ADCY2: variants seen among roughly 807,000 people sequenced by gnomAD.
ADCY2 encodes adenylate cyclase 2.
Under a neutral mutation model 125.2 loss-of-function variants are expected in ADCY2, and 31 were observed. The ratio of observed to expected loss-of-function variants is 0.25; its 90% CI spans 0.19 to 0.33. The LOEUF is 0.33. Among genes scored for constraint, ADCY2 ranks in the 10% least tolerant of loss-of-function variants. The probability of loss-of-function intolerance (pLI) is 1.00; values close to 1 mark genes in which losing one functional copy is unlikely to be tolerated. For synonymous variants in ADCY2, 512 were observed against 548.4 expected (o/e 0.93, Z 0.93); for missense variants, 904 against 1,418.2 (o/e 0.64, Z 5.82).
At chr5:7,535,329 T>C (rs1285414894) in intron 3 of ADCY2, among the ~76,000 whole-genome samples, 1 of 152,204 alleles carries the variant, frequency 6.6e-6, no homozygotes, top group Non-Finnish European at 1.5e-5. Flanking sequence ...TATAACAGTT[T>C]TATTTGCAGT....
At chr5:7,436,760 A>G (rs1457661556) in intron 2 of ADCY2, among the ~76,000 whole-genome samples, 1 of 152,236 alleles carries the variant, frequency 6.6e-6, no homozygotes, top group African/African-American at 2.4e-5. Context: ...CCATGTAAAG[A>G]GAGCCTAAGG....
chr5:7,736,069 A>C (rs373680129), intron 14 of ADCY2, among the ~76,000 whole-genome samples: 26 of 152,218 alleles, frequency 1.7e-4, no homozygotes, highest in African/African-American at 5.1e-4. Context: ...AAATACAAAA[A>C]TTGGCCATAC....
At chr5:7,484,280 T>C (rs1248015914) in intron 2 of ADCY2, among the ~76,000 whole-genome samples, 1 of 152,208 alleles carries the variant, frequency 6.6e-6, no homozygotes, top group Admixed American at 6.5e-5. Flanking sequence ...TTATTCATAA[T>C]ATAGTAATAC....
At chr5:7,645,077 C>G (rs1431987296) in intron 4 of ADCY2, among the ~76,000 whole-genome samples, 1 of 152,110 alleles carries the variant, frequency 6.6e-6, no homozygotes, top group African/African-American at 2.4e-5. Flanking sequence ...ACTGTGTGTC[C>G]TTAGGAAAGT....
At chr5:7,653,448 A>G (rs1316717753) in intron 4 of ADCY2, among the ~76,000 whole-genome samples, 2 of 152,198 alleles carry the variant, frequency 1.3e-5, no homozygotes, top group African/African-American at 4.8e-5. Context: ...TACTAAAAAT[A>G]CAAAAAATAA....
At chr5:7,723,193 G>A (rs377187849) in intron 12 of ADCY2, among the ~76,000 whole-genome samples, 1 of 151,958 alleles carries the variant, frequency 6.6e-6, no homozygotes, top group Non-Finnish European at 1.5e-5. Flanking sequence ...ATAACTAATC[G>A]GTACTAGGCT....
In ADCY2 at chr5:7,418,647, G is replaced by GTTTTTT. The variant is rs869287430; in HGVS notation, c.408+3898_408+3903dup. 4.4e-3 allele frequency among the ~76,000 whole-genome samples: 328 copies of GTTTTTT among 73,760 alleles called. 67 individuals carry two copies. The highest frequency in any genetic ancestry group is 0.018 in the African/African-American group (292 of 16,066). 48.4% of individuals were successfully genotyped at this position (73,760 alleles called of 152,430 possible). A position where few individuals can be genotyped will look rare whatever the true frequency, so the allele number is the denominator to read the frequency against. ...AATTAAAAACAAAAGTCTACCTTCT[G>GTTTTTT]TTTTTTTTTTTTTTTTTTTTTTTTT... On this transcript the variant is annotated intron_variant, in intron 2 of 24. Coordinates refer to ENST00000338316, the MANE Select transcript of ADCY2 (RefSeq NM_020546.3).
chr5:7,436,180 A>G (rs191621542), intron 2 of ADCY2, among the ~76,000 whole-genome samples: 138 of 152,306 alleles, frequency 9.1e-4, no homozygotes, highest in African/African-American at 3.0e-3. Flanking sequence ...TGATTTGTTG[A>G]CGAAAATATT....
intron 1 of ADCY2, among the ~76,000 whole-genome samples, chr5:7,408,481 C>A (rs1739587655): frequency 6.6e-6 from 1 of 151,952 alleles, no homozygotes; most frequent in Admixed American, 6.5e-5. Flanking sequence ...GATTCTGTTG[C>A]CTCAGCCTCC....
chr5:7,559,816 G>C (rs1039179270), intron 3 of ADCY2, among the ~76,000 whole-genome samples: 2 of 152,160 alleles, frequency 1.3e-5, no homozygotes, highest in Non-Finnish European at 2.9e-5. Context: ...CCATACTGCT[G>C]TTGGGGGTGA....
chr5:7,819,474 C>G (rs944309585), intron 23 of ADCY2, among the ~76,000 whole-genome samples: 4 of 152,154 alleles, frequency 2.6e-5, no homozygotes, highest in African/African-American at 9.7e-5. Context: ...TGTTCAGATT[C>G]ACGCGAACTG....
chr5:7,570,620 CAAAA>C (rs33956366), intron 3 of ADCY2, among the ~76,000 whole-genome samples: 9 of 112,994 alleles, frequency 8.0e-5, no homozygotes, highest in African/African-American at 1.9e-4. Flanking sequence ...AGTCAAGGGA[CAAAA>C]AAAAAAAAAA....
chr5:7,575,269 G>C (rs1242629313), intron 3 of ADCY2, among the ~76,000 whole-genome samples: 1 of 151,944 alleles, frequency 6.6e-6, no homozygotes, highest in African/African-American at 2.4e-5. Flanking sequence ...ATTTTGGAGT[G>C]GTGACATTAT....
At chr5:7,540,641 A>G (rs1579553453) in intron 3 of ADCY2, among the ~76,000 whole-genome samples, 1 of 152,214 alleles carries the variant, frequency 6.6e-6, no homozygotes, top group Admixed American at 6.5e-5. Flanking sequence ...AAGAGTCTCC[A>G]AAGAGCAGAA....
At chr5:7,480,066 C>T (rs1742671428) in intron 2 of ADCY2, among the ~76,000 whole-genome samples, 1 of 152,078 alleles carries the variant, frequency 6.6e-6, no homozygotes. Flanking sequence ...CAATGAGATA[C>T]CATCTCACAT....
chr5:7,688,741 G>A (rs896839385), intron 4 of ADCY2, among the ~76,000 whole-genome samples: 6 of 152,106 alleles, frequency 3.9e-5, no homozygotes, highest in Non-Finnish European at 8.8e-5. Context: ...CACCCACAGG[G>A]TGCCTCACTG....
chr5:7,630,427 A>G (rs959504010), intron 4 of ADCY2, among the ~76,000 whole-genome samples: 5 of 152,138 alleles, frequency 3.3e-5, no homozygotes, highest in African/African-American at 7.2e-5. Context: ...AGCAAGTACT[A>G]TTTCTTTAAG....
chr5:7,598,147 TA>T (rs890874889), intron 3 of ADCY2, among the ~76,000 whole-genome samples: 5 of 152,194 alleles, frequency 3.3e-5, no homozygotes, highest in Admixed American at 6.5e-5. Flanking sequence ...GACTGGGAGC[TA>T]AAAAGCTTTC....
At chr5:7,580,662 A>G (rs1047027988) in intron 3 of ADCY2, among the ~76,000 whole-genome samples, 1 of 152,218 alleles carries the variant, frequency 6.6e-6, no homozygotes. Flanking sequence ...AGAAGAACAT[A>G]TATTTGGGGA....
Sources: gnomAD v4.1 joint callset for allele counts (sites outside exome capture counted in the v4.1 genomes callset) on GRCh38, gnomAD v4.1.1 for gene constraint, MANE v1.5 for transcripts, NCBI Gene and HGNC (gene_info 2026-07-23, HGNC 2026-07-21) for gene names.